MUC4: variants seen among roughly 807,000 people sequenced by gnomAD.
MUC4 encodes the protein mucin 4, cell surface associated.
Under a neutral mutation model 257.9 loss-of-function variants are expected in MUC4, and 202 were observed. The ratio of observed to expected loss-of-function variants is 0.78; its 90% CI spans 0.70 to 0.88. The LOEUF is 0.88. Ranked by LOEUF, MUC4 falls within the 40% of genes least tolerant of loss-of-function variation. The pLI, the probability that MUC4 is intolerant of heterozygous loss-of-function variation, is 0.00. For missense variants in MUC4, 5,976 were observed against 6,513.7 expected, an observed-to-expected ratio of 0.92 and a Z score of 2.84; for synonymous variants, 2,351 against 2,757.1, an observed-to-expected ratio of 0.85 and a Z score of 4.62.
At chr3:195,802,991 G>A (rs1167143061) in intron 1 of MUC4, among the ~76,000 whole-genome samples, 1 of 151,928 alleles carries the variant, frequency 6.6e-6, no homozygotes, top group African/African-American at 2.4e-5. Context: ...CTCACCGTCT[G>A]TACACACTCC....
rs1728949965 is a variant in MUC4, at chr3:195,782,844, AGGCGTGGTGTCACCTGTG to A, written c.8718_8735del (p.Thr2907_Pro2912del). 6.6e-7 allele frequency: 1 copy of A among 1,510,482 alleles called. No individual in the cohort carries two copies. Among genetic ancestry groups the A allele is most frequent in the African/African-American group, 1.4e-5 (1 of 69,530 alleles). The allele number at this position is 1,510,482 out of a possible 1,614,324, so 93.6% of individuals were successfully genotyped here. A position where few individuals can be genotyped will look rare whatever the true frequency, so the allele number is the denominator to read the frequency against. ...CTGAGGAAGTGTCGGTGACAGGAAG[AGGCGTGGTGTCACCTGTG>A]GATACTGAGGAAAGGCTGGTGAGAG... is the stretch of plus-strand genomic sequence containing the variant. On this transcript the variant is annotated inframe_deletion, in exon 2 of 25. Transcript: ENST00000463781.
Position 195,780,943 on chromosome 3 carries a change from G to T in MUC4, c.10637C>A (p.Ser3546Tyr), listed in dbSNP as rs1553872860. 4.0e-6 allele frequency: 6 copies of T among 1,515,516 alleles called. No homozygotes were observed. In the Admixed American group the frequency reaches 6.0e-5, roughly 15 times the overall value. 93.9% of individuals were successfully genotyped at this position (1,515,516 alleles called of 1,614,324 possible). Residue 3546 changes from serine (S) to tyrosine (Y), a missense_variant, in exon 2 of 25, where the codon TCC becomes TAC. Ser to Tyr is a moderately radical substitution (Grantham distance 144, BLOSUM62 -2). This residue lies in a region of MUC4 where 297 missense variants were observed against 240.9 expected (regional missense o/e 1.23). Coordinates refer to ENST00000463781, the MANE Select transcript of MUC4 (RefSeq NM_018406.7). Reference sequence around the variant, plus strand: ...AGGAAGAGGGGTGGTGTCACCTGTGGATACTGAGGAAAGGCTGGTGACAGG... The same window carrying T: ...AGGAAGAGGGGTGGTGTCACCTGTGTATACTGAGGAAAGGCTGGTGACAGG... ...PLPVTSLSSV[S>Y]TGDTTPLPVT...
At position 195,780,508 on chromosome 3, in the gene MUC4, G is replaced by C. The variant is rs967465234; in HGVS notation, c.11072C>G (p.Thr3691Arg). ...GACAGGAAGAGGGGTGGCCTGACCT[G>C]TGGATGCTGAGGAAGTGTCCGTGAC... The part of the protein sequence containing the change: ...LPVTDTSSAS[T>R]GQATPLPVTI... Residue 3691 changes from threonine (T) to arginine (R), a missense_variant, in exon 2 of 25, where the codon ACA (threonine) becomes AGA (arginine). This residue lies in a region of MUC4 where 330 missense variants were observed against 262.0 expected (regional missense o/e 1.26). Coordinates refer to ENST00000463781, the MANE Select transcript of MUC4 (RefSeq NM_018406.7). 0.013 allele frequency: 6,219 copies of C among 497,218 alleles called. 553 individuals are homozygous for C. Among genetic ancestry groups the C allele is most frequent in the African/African-American group, 0.029 (558 of 19,258 alleles). The allele number at this position is 497,218 out of a possible 1,614,324, so 30.8% of individuals were successfully genotyped here.
At position 195,780,027 on chromosome 3, in the gene MUC4, TGTGGATA is replaced by T; in HGVS notation, c.11546_11552del (p.Val3849GlufsTer408). ...TGACAGGAAGAGGCATGGTGTCACCTGTGGATACTGAGGAAGGGATGGTGACAGGAAG... is the reference window on the plus strand; with the variant it reads ...TGACAGGAAGAGGCATGGTGTCACCTCTGAGGAAGGGATGGTGACAGGAAG... On this transcript the variant is annotated frameshift_variant, in exon 2 of 25. Coordinates refer to ENST00000463781, the MANE Select transcript of MUC4 (RefSeq NM_018406.7). LOFTEE classifies it high-confidence loss of function. The T allele has an allele frequency of 2.6e-6, 2 of 761,644 alleles. No homozygotes were observed. Among genetic ancestry groups the T allele is most frequent in the African/African-American group, 1.0e-4 (2 of 20,078 alleles). The allele number at this position is 761,644 out of a possible 1,614,324, so 47.2% of individuals were successfully genotyped here. A position where few individuals can be genotyped will look rare whatever the true frequency, so the allele number is the denominator to read the frequency against.
At chr3:195,778,206 C>T in intron 3 of MUC4, 97 bp downstream of exon 3, 2 of 1,436,484 alleles carry the variant, frequency 1.4e-6, no homozygotes, top group Middle Eastern at 5.2e-4. Flanking sequence ...AAGGCCCTCC[C>T]CACCCGAGAG....
chr3:195,809,064 T>C (rs1404490231), intron 1 of MUC4, among the ~76,000 whole-genome samples: 3 of 152,202 alleles, frequency 2.0e-5, no homozygotes, highest in Non-Finnish European at 4.4e-5. Flanking sequence ...CCCTGTGGCA[T>C]GGAACCAGGA....
chr3:195,772,606 C>T (rs111703544), intron 4 of MUC4, among the ~76,000 whole-genome samples: 17 of 114,974 alleles, frequency 1.5e-4, no homozygotes, highest in African/African-American at 3.1e-4. Context: ...CTCAGGGGTG[C>T]AGACACCCCA....
chr3:195,761,999 C>T (rs1719059109), intron 14 of MUC4, 88 bp downstream of exon 14: 1 of 1,408,774 alleles, frequency 7.1e-7, no homozygotes, highest in Non-Finnish European at 9.5e-7. Flanking sequence ...AAAGGGAGGC[C>T]GAGCAGGGCT....
chr3:195,786,323 C>T lies in MUC4; in HGVS notation c.5257G>A (p.Ala1753Thr), dbSNP rs868650723. Residue 1753 changes from alanine to threonine, a missense_variant, in exon 2 of 25, where the codon GCA becomes ACA. Ala to Thr is a moderately conservative substitution (Grantham distance 58). Coordinates refer to ENST00000463781, the MANE Select transcript of MUC4 (RefSeq NM_018406.7). ...AGAGGGGTGGCCTGACCTGTGGATG[C>T]TGAGGAAGCGTCAGTGACAAGAAGA... ...SPLLVTDASS[A>T]STGQATPLPV... 1.3e-6 allele frequency: 2 copies of T among 1,517,866 alleles called. No homozygotes were observed. Among genetic ancestry groups the T allele is most frequent in the African/African-American group, 1.5e-5 (1 of 68,928 alleles). The allele number at this position is 1,517,866 out of a possible 1,614,324, so 94.0% of individuals were successfully genotyped here. A position where few individuals can be genotyped will look rare whatever the true frequency, so the allele number is the denominator to read the frequency against.
At chr3:195,747,995 C>T (rs1276186605) in intron 24 of MUC4, among the ~76,000 whole-genome samples, 3 of 152,124 alleles carry the variant, frequency 2.0e-5, no homozygotes, top group Non-Finnish European at 4.4e-5. Context: ...CCCGCCCCGC[C>T]CACCCGGAGA....
chr3:195,766,813 A>AGGC, intron 7 of MUC4, 62 bp from the exon 8 acceptor site: 1 of 1,489,014 alleles, frequency 6.7e-7, no homozygotes, highest in Non-Finnish European at 9.3e-7. Flanking sequence ...CGCGGTTGCA[A>AGGC]GGCGTCCATT....
In MUC4 at chr3:195,747,247, C is replaced by T. The variant is rs758961755; in HGVS notation, c.16168G>A (p.Val5390Ile). 2.5e-6 allele frequency: 4 copies of T among 1,614,252 alleles called. No individual in the cohort carries two copies. In the East Asian group the frequency reaches 6.7e-5, roughly 27 times the overall value. The change falls in exon 25 of 25, where the codon GTC (valine) becomes ATC (isoleucine). Residue 5390 changes from valine to isoleucine, a missense_variant. Coordinates refer to ENST00000463781, the MANE Select transcript of MUC4 (RefSeq NM_018406.7). The part of the protein sequence containing the change: ...LLLLGVGTFV[V>I]LRFWGCSGAR... ...CCGGAGCAACCCCAGAAGCGCAGGACCACGAACGTCCCGACCCCCAGCAGC... is the reference window on the plus strand; with the variant it reads ...CCGGAGCAACCCCAGAAGCGCAGGATCACGAACGTCCCGACCCCCAGCAGC...
intron 1 of MUC4, among the ~76,000 whole-genome samples, chr3:195,797,343 A>G (rs1411640310): frequency 6.6e-6 from 1 of 152,166 alleles, no homozygotes; most frequent in Non-Finnish European, 1.5e-5. Context: ...AATGCAAGAT[A>G]AAGACAATGC....
At chr3:195,758,869 C>G (rs973077010) in intron 17 of MUC4, among the ~76,000 whole-genome samples, 3 of 152,090 alleles carry the variant, frequency 2.0e-5, no homozygotes, top group Non-Finnish European at 4.4e-5. Flanking sequence ...CCGCGCCCAG[C>G]CTTGAATCAG....
At chr3:195,798,227 A>G (rs1231684992) in intron 1 of MUC4, among the ~76,000 whole-genome samples, 1 of 152,234 alleles carries the variant, frequency 6.6e-6, no homozygotes, top group Non-Finnish European at 1.5e-5. Flanking sequence ...GTACATAAAA[A>G]TAAATCTAAC....
At chr3:195,800,220 G>A (rs551477646) in intron 1 of MUC4, among the ~76,000 whole-genome samples, 3 of 152,232 alleles carry the variant, frequency 2.0e-5, no homozygotes, top group Non-Finnish European at 4.4e-5. Flanking sequence ...GGAGGTTGCA[G>A]TGAGCCGAGA....
chr3:195,755,138 T>C lies in MUC4; in HGVS notation c.15169-766A>G, dbSNP rs842224. 0.4 allele frequency among the ~76,000 whole-genome samples: 60,845 copies of C among 151,602 alleles called. 14,285 individuals carry two copies. Among genetic ancestry groups the C allele is most frequent in the East Asian group, 0.74 (3,822 of 5,146 alleles). On this transcript the variant is annotated intron_variant, in intron 18 of 24. Coordinates refer to ENST00000463781, the MANE Select transcript of MUC4 (RefSeq NM_018406.7). This position sits in a 1 kb window ranked among gnomAD's most constrained non-coding sequence, Gnocchi z 5.0. The stretch of plus-strand genomic sequence containing the variant: ...TTCAAGCCATCCTCCCACCTCAGCC[T>C]CCCGAGGAGCTGGGGCTACAGGCAT...
chr3:195,774,231 G>A lies in MUC4; in HGVS notation c.13018C>T (p.Pro4340Ser). Residue 4340 changes from proline to serine, a missense_variant, in exon 4 of 25, where the codon CCA becomes TCA. By Grantham distance (74) the Pro-to-Ser change is moderately conservative. Around this residue, in one of 44 missense-constraint regions of MUC4, gnomAD observed 233 missense variants for 171.2 expected, o/e 1.36. Coordinates refer to ENST00000463781, the MANE Select transcript of MUC4 (RefSeq NM_018406.7). Reference protein sequence around the residue: ...FVRRTVDFTSPLFKPATGFPL... With the variant: ...FVRRTVDFTSSLFKPATGFPL... Reference sequence around the variant, plus strand: ...AAGCCAGTCGCCGGCTTGAAGAGTGGGGAGGTGAAGTCCACGGTCCTCCTG... The same window carrying A: ...AAGCCAGTCGCCGGCTTGAAGAGTGAGGAGGTGAAGTCCACGGTCCTCCTG... The A allele has an allele frequency of 6.2e-7, 1 of 1,607,458 alleles. No individual in the cohort carries two copies. The highest frequency in any genetic ancestry group is 8.5e-7 in the Non-Finnish European group (1 of 1,177,156).
At chr3:195,768,801 C>A (rs973879033) in intron 7 of MUC4, among the ~76,000 whole-genome samples, 1 of 152,186 alleles carries the variant, frequency 6.6e-6, no homozygotes, top group Non-Finnish European at 1.5e-5. Context: ...TTACAACTCA[C>A]GGGGACTGGG....
Sources: allele counts gnomAD v4.1 joint callset (sites outside exome capture counted in the v4.1 genomes callset), GRCh38; gene constraint gnomAD v4.1.1; regional missense constraint gnomAD v4.1.1; non-coding constraint Gnocchi (gnomAD v3.1); transcripts MANE v1.5; gene names NCBI Gene and HGNC (gene_info 2026-07-23, HGNC 2026-07-21).